Variants in XRRA1 observed in about 807,000 individuals in gnomAD.
XRRA1 encodes X-ray radiation resistance associated 1, also known as X-ray radiation resistance-associated protein 1.
A neutral mutation model predicts 80.2 loss-of-function variants in XRRA1; 69 were observed. The observed-to-expected ratio is 0.86, with a 90% CI of 0.71 to 1.05. The LOEUF is 1.05. Ranked by LOEUF, XRRA1 falls within the 50% of genes least tolerant of loss-of-function variation. The probability of loss-of-function intolerance (pLI) is 0.00; values close to 1 mark genes in which losing one functional copy is unlikely to be tolerated. For synonymous variants in XRRA1, 348 were observed against 389.9 expected, an observed-to-expected ratio of 0.89 and a Z score of 1.27; for missense variants, 967 against 976.4, an observed-to-expected ratio of 0.99 and a Z score of 0.13.
At chr11:74,856,131 GAAC>G (rs200546470) in intron 12 of XRRA1, among the ~76,000 whole-genome samples, 61 of 152,038 alleles carry the variant, frequency 4.0e-4, no homozygotes, top group African/African-American at 1.4e-3. Flanking sequence ...AACTCCATCT[GAAC>G]AACAACAACA....
rs1269397048 is a variant in XRRA1, at chr11:74,927,396, A to G, written c.517T>C (p.Leu173=). 1 of 1,605,974 alleles carries G rather than the reference A, an allele frequency of 6.2e-7. No individual in the cohort carries two copies. Among genetic ancestry groups the G allele is most frequent in the Admixed American group, 1.7e-5 (1 of 59,980 alleles). ...IYVKYGDFKL[L]EFLDLSFNSL... ...ACTCCCTACCTCCAACTTACTTCTA[A>G]TAACTTAAAGTCTCCATATTTCACG... Residue 173 remains leucine (L), a synonymous_variant, in exon 7 of 19, where the codon TTA becomes CTA. Transcript: ENST00000684022.
chr11:74,863,060 C>G (rs557095266), intron 10 of XRRA1, 39 bp from the exon 11 acceptor site: 14 of 1,577,558 alleles, frequency 8.9e-6, no homozygotes, highest in Admixed American at 1.8e-5. Flanking sequence ...TTGGTGAGAC[C>G]GCTGATTGAT....
At chr11:74,857,455 CA>C (rs2041379811) in intron 12 of XRRA1, among the ~76,000 whole-genome samples, 1 of 151,614 alleles carries the variant, frequency 6.6e-6, no homozygotes, top group South Asian at 2.1e-4. Flanking sequence ...GCATCAATAG[CA>C]GACTTCAAAA....
At chr11:74,900,994 G>A (rs993652517) in intron 10 of XRRA1, among the ~76,000 whole-genome samples, 25 of 152,156 alleles carry the variant, frequency 1.6e-4, no homozygotes, top group Non-Finnish European at 2.9e-4. Flanking sequence ...ATCCAAACCG[G>A]AAGGGAGGAA....
chr11:74,897,723 GA>G lies in XRRA1; in HGVS notation c.1003+8515del, dbSNP rs1376648838. Reference sequence around the variant, plus strand: ...TAAACTGCTAAAAAAAAAAAAAAAAGAAAAAAAAAAACTTTAACCCCAGAAT... The same window carrying G: ...TAAACTGCTAAAAAAAAAAAAAAAAGAAAAAAAAAACTTTAACCCCAGAAT... On this transcript the variant is annotated intron_variant, in intron 10 of 18. Coordinates refer to ENST00000684022, the MANE Select transcript of XRRA1 (RefSeq NM_001378157.1). Among the ~76,000 whole-genome samples, 581 of 110,976 alleles carry G rather than the reference GA, an allele frequency of 5.2e-3. 2 individuals are homozygous for G. Among genetic ancestry groups the G allele is most frequent in the African/African-American group, 0.014 (485 of 33,744 alleles). 72.8% of individuals were successfully genotyped at this position (110,976 alleles called of 152,430 possible). A position where few individuals can be genotyped will look rare whatever the true frequency, so the allele number is the denominator to read the frequency against.
At chr11:74,882,026 C>G (rs1419229878) in intron 10 of XRRA1, among the ~76,000 whole-genome samples, 4 of 145,182 alleles carry the variant, frequency 2.8e-5, no homozygotes, top group South Asian at 2.3e-4. Flanking sequence ...GTGGCGTTCT[C>G]TGTATTTCCT....
intron 8 of XRRA1, chr11:74,910,895 C>G (rs1183786268): frequency 6.6e-6 from 1 of 152,310 alleles, no homozygotes; most frequent in Non-Finnish European, 1.5e-5. Context: ...GGCTAATGCT[C>G]AGGTTCTAGC....
chr11:74,845,971 G>C (rs1315159519), intron 15 of XRRA1: 1 of 152,336 alleles, frequency 6.6e-6, no homozygotes, highest in Non-Finnish European at 1.5e-5. Flanking sequence ...TGGGAGGACT[G>C]CTTGAGCTCG....
At chr11:74,854,394 C>T (rs1318707620) in intron 12 of XRRA1, among the ~76,000 whole-genome samples, 4 of 152,206 alleles carry the variant, frequency 2.6e-5, no homozygotes, top group African/African-American at 7.2e-5. Flanking sequence ...CAAACCTTTT[C>T]TGTCAAAGAC....
rs7394599 is a variant in XRRA1 at position 74,891,210 on chromosome 11, G to C, written c.1003+15029C>G. ...CATCAAAAAGCTTATCCACCACGAT[G>C]AAGTGGGCTTCATCCCTGGGATGCA... On this transcript the variant is annotated intron_variant, in intron 10 of 18. Transcript: ENST00000684022. 4.9e-3 allele frequency among the ~76,000 whole-genome samples: 749 copies of C among 152,162 alleles called. 6 individuals are homozygous for C. Among genetic ancestry groups the C allele is most frequent in the Non-Finnish European group, 8.6e-3 (585 of 67,974 alleles).
chr11:74,863,342 A>C, intron 10 of XRRA1: 1 of 354,572 alleles, frequency 2.8e-6, no homozygotes, highest in Non-Finnish European at 5.2e-6. Flanking sequence ...ACACTGACTG[A>C]CCTTCAATCT....
In XRRA1 at chr11:74,841,851, C is replaced by T. The variant is rs1341859713; in HGVS notation, c.*1349G>A. 6.6e-6 allele frequency: 1 copy of T among 152,236 alleles called. No individual in the cohort carries two copies. Among genetic ancestry groups the T allele is most frequent in the Admixed American group, 6.5e-5 (1 of 15,282 alleles). 9.4% of individuals were successfully genotyped at this position (152,236 alleles called of 1,614,324 possible). A position where few individuals can be genotyped will look rare whatever the true frequency, so the allele number is the denominator to read the frequency against. ...GGCAGATTGCCCCTTCTTGGGGCCA[C>T]CACCCTCCAAAGCTGTGCCACCAAT... On this transcript the variant is annotated 3_prime_UTR_variant, in exon 19 of 19. Transcript: ENST00000684022.
intron 10 of XRRA1, among the ~76,000 whole-genome samples, chr11:74,875,843 C>T (rs765061848): frequency 1.1e-4 from 16 of 152,126 alleles, no homozygotes; most frequent in Non-Finnish European, 1.8e-4. Flanking sequence ...TACACTGAAG[C>T]CTGAGCAACA....
intron 10 of XRRA1, among the ~76,000 whole-genome samples, chr11:74,867,477 C>G (rs984774265): frequency 6.6e-6 from 1 of 152,098 alleles, no homozygotes. Context: ...AGGAAAGACT[C>G]AGAGCTGAAA....
At position 74,948,195 on chromosome 11, in the gene XRRA1, T is replaced by C. The variant is rs895279209; in HGVS notation, c.-73+733A>G. On this transcript the variant is annotated intron_variant, in intron 1 of 18. Transcript: ENST00000684022. The stretch of plus-strand genomic sequence containing the variant: ...GGAATTAAAAAACAATACAACGTAA[T>C]AGAGCATGGTATAATACAATACTGC... 2.6e-5 allele frequency among the ~76,000 whole-genome samples: 4 copies of C among 152,352 alleles called. No individual in the cohort carries two copies. The South Asian group carries it at 8.3e-4, about 32-fold the overall frequency.
rs369760530 is a variant in XRRA1, at chr11:74,921,333, G to A, written c.537C>T (p.Ser179=). Residue 179 remains serine (S), a synonymous_variant, in exon 8 of 19, where the codon TCC becomes TCT. Transcript: ENST00000684022. ...TGGCCTCCACAGTCAGGCTGTTGAA[G>A]GAAAGGTCCAAGAACTGCCATGCAA... ...DFKLLEFLDL[S]FNSLTVEAIC... 1.2e-6 allele frequency: 2 copies of A among 1,613,920 alleles called. No individual in the cohort carries two copies. The highest frequency in any genetic ancestry group is 1.7e-6 in the Non-Finnish European group (2 of 1,179,864).
At chr11:74,915,582 G>C (rs1938383135) in intron 8 of XRRA1, among the ~76,000 whole-genome samples, 1 of 152,178 alleles carries the variant, frequency 6.6e-6, no homozygotes, top group Admixed American at 6.5e-5. Flanking sequence ...TTATACAGCT[G>C]TCTAGTATCA....
At chr11:74,920,855 A>G (rs1050661510) in intron 8 of XRRA1, among the ~76,000 whole-genome samples, 2 of 152,248 alleles carry the variant, frequency 1.3e-5, no homozygotes, top group African/African-American at 4.8e-5. Context: ...AGGACCAGCC[A>G]GAGGAATGGC....
At chr11:74,940,678 A>C in intron 3 of XRRA1, 107 bp downstream of exon 3, 1 of 884,390 alleles carries the variant, frequency 1.1e-6, no homozygotes, top group Non-Finnish European at 1.8e-6. Flanking sequence ...GATTAGGTAG[A>C]GCAGGGAACA....
Sources: gnomAD v4.1 joint callset for allele counts (sites outside exome capture counted in the v4.1 genomes callset) on GRCh38, gnomAD v4.1.1 for gene constraint, MANE v1.5 for transcripts, NCBI Gene and HGNC (gene_info 2026-07-23, HGNC 2026-07-21) for gene names.